Variants in PALM2AKAP2 observed in about 807,000 individuals in gnomAD.
The protein encoded by PALM2AKAP2 is PALM2-AKAP2 fusion protein.
In PALM2AKAP2, 37 loss-of-function variants were observed where a neutral mutation model predicts 71.5. That is an observed-to-expected ratio of 0.52 (90% CI 0.40 to 0.68). PALM2AKAP2 has a LOEUF of 0.68. PALM2AKAP2 is among the 30% of genes least tolerant of loss of function. PALM2AKAP2 has a pLI of 0.00. For missense variants in PALM2AKAP2, 1,224 were observed against 1,191.8 expected (o/e 1.03, Z -0.40); for synonymous variants, 468 against 478.8 (o/e 0.98, Z 0.29).
intron 7 of PALM2AKAP2, among the ~76,000 whole-genome samples, chr9:110,035,560 T>C (rs1452130890): frequency 6.9e-6 from 1 of 145,248 alleles, no homozygotes; most frequent in Non-Finnish European, 1.5e-5. Flanking sequence ...ATATATAACA[T>C]ATATAGGATA....
chr9:109,768,250 C>T (rs1829196005), intron 1 of PALM2AKAP2, among the ~76,000 whole-genome samples: 1 of 151,994 alleles, frequency 6.6e-6, no homozygotes, highest in South Asian at 2.1e-4. Context: ...GGGGAGTCAG[C>T]TCAGTTGATT....
chr9:110,170,224 C>T (rs1044992741), exon 4 of PALM2AKAP2: 5 of 152,338 alleles, frequency 3.3e-5, no homozygotes, highest in African/African-American at 1.2e-4. Context: ...AAAAAATAAA[C>T]AGCCTTCTTT....
intron 1 of PALM2AKAP2, among the ~76,000 whole-genome samples, chr9:109,834,167 C>T (rs1242872840): frequency 6.6e-6 from 1 of 152,176 alleles, no homozygotes; most frequent in Non-Finnish European, 1.5e-5. Flanking sequence ...GAGCCAAGAT[C>T]ACACCACTGC....
At chr9:109,746,904 C>T (rs943772807) in intron 1 of PALM2AKAP2, among the ~76,000 whole-genome samples, 1 of 152,126 alleles carries the variant, frequency 6.6e-6, no homozygotes, top group Admixed American at 6.5e-5. Context: ...AAGATTTTAA[C>T]AGGCACAGGT....
intron 6 of PALM2AKAP2, among the ~76,000 whole-genome samples, chr9:109,959,091 C>A (rs1269686709): frequency 6.6e-6 from 1 of 152,176 alleles, no homozygotes; most frequent in African/African-American, 2.4e-5. Context: ...GCCACTGCTC[C>A]CCTATTCTAG....
At chr9:110,154,093 ATCTCACCCTATAGTCACATTATTCTTT>A (rs1836389259) in intron 2 of PALM2AKAP2, among the ~76,000 whole-genome samples, 1 of 152,196 alleles carries the variant, frequency 6.6e-6, no homozygotes, top group African/African-American at 2.4e-5. Context: ...GAAATTGTTC[ATCTCACCCTATAGTCACATTATTCTTT>A]GAGATTCCAA....
intron 1 of PALM2AKAP2, among the ~76,000 whole-genome samples, chr9:109,659,146 T>C (rs2132240128): frequency 6.6e-6 from 1 of 152,288 alleles, no homozygotes; most frequent in East Asian, 1.9e-4. Context: ...AATGGGATTT[T>C]TTTGTGTGTG....
chr9:109,715,606 C>T (rs749343209), intron 1 of PALM2AKAP2, among the ~76,000 whole-genome samples: 1 of 152,136 alleles, frequency 6.6e-6, no homozygotes. Flanking sequence ...ATGTGCGTGT[C>T]GTGTTTTGTC....
intron 1 of PALM2AKAP2, among the ~76,000 whole-genome samples, chr9:109,747,876 G>T (rs770019987): frequency 1.4e-4 from 22 of 152,270 alleles, no homozygotes; most frequent in Non-Finnish European, 2.9e-4. Context: ...TTGGCATGTT[G>T]CCCAGGCTGG....
chr9:109,733,402 T>C (rs1471931955), intron 1 of PALM2AKAP2, among the ~76,000 whole-genome samples: 1 of 152,146 alleles, frequency 6.6e-6, no homozygotes, highest in African/African-American at 2.4e-5. Flanking sequence ...GGTGAGTAGA[T>C]CCTGAATGGT....
At chr9:109,875,371 A>G (rs1587977945) in intron 2 of PALM2AKAP2, among the ~76,000 whole-genome samples, 1 of 152,118 alleles carries the variant, frequency 6.6e-6, no homozygotes, top group Non-Finnish European at 1.5e-5. Flanking sequence ...ATTATCTTGC[A>G]TCCTTGTTTA....
At chr9:109,755,673 A>C (rs1477253870) in intron 1 of PALM2AKAP2, among the ~76,000 whole-genome samples, 1 of 152,026 alleles carries the variant, frequency 6.6e-6, no homozygotes, top group Admixed American at 6.6e-5. Flanking sequence ...TAGAAAAGCA[A>C]AATAAAATAG....
At chr9:109,724,203 A>C (rs1208169631) in intron 1 of PALM2AKAP2, among the ~76,000 whole-genome samples, 2 of 152,212 alleles carry the variant, frequency 1.3e-5, no homozygotes, top group African/African-American at 2.4e-5. Flanking sequence ...TACATCTTTA[A>C]AAACAATAAA....
intron 1 of PALM2AKAP2, among the ~76,000 whole-genome samples, chr9:109,746,135 T>C (rs1242176434): frequency 6.6e-6 from 1 of 152,214 alleles, no homozygotes; most frequent in African/African-American, 2.4e-5. Flanking sequence ...TATGGAATTT[T>C]TCCTTCTGCA....
chr9:109,663,748 C>G (rs984671584), intron 1 of PALM2AKAP2, among the ~76,000 whole-genome samples: 1 of 152,096 alleles, frequency 6.6e-6, no homozygotes, highest in Non-Finnish European at 1.5e-5. Context: ...TCCTTGTTAA[C>G]CTTCCATCTC....
chr9:109,745,960 C>T (rs1253421282), intron 1 of PALM2AKAP2, among the ~76,000 whole-genome samples: 1 of 152,208 alleles, frequency 6.6e-6, no homozygotes, highest in East Asian at 1.9e-4. Flanking sequence ...TACTAGCCTG[C>T]AGAGCTTGGC....
Position 110,016,057 on chromosome 9 carries a change from G to C in PALM2AKAP2, c.582+18G>C, listed in dbSNP as rs1293099312. 1.9e-6 allele frequency: 3 copies of C among 1,609,680 alleles called. No individual in the cohort carries two copies. Among genetic ancestry groups the C allele is most frequent in the Non-Finnish European group, 2.5e-6 (3 of 1,176,572 alleles). ...CTATCAAGGTAAGGGATTCTCTTCA[G>C]GTTGATTCTCAAAGTGTATCTCTAG... On this transcript the variant is annotated intron_variant, in intron 7 of 9. Transcript: ENST00000302798.
At chr9:110,116,495 A>T (rs1427495720) in intron 1 of PALM2AKAP2, among the ~76,000 whole-genome samples, 1 of 152,218 alleles carries the variant, frequency 6.6e-6, no homozygotes, top group East Asian at 1.9e-4. Context: ...GAACAAAAAA[A>T]AATGACTATT....
intron 6 of PALM2AKAP2, among the ~76,000 whole-genome samples, chr9:109,997,313 A>G (rs913142326): frequency 6.6e-6 from 1 of 152,218 alleles, no homozygotes; most frequent in Non-Finnish European, 1.5e-5. Flanking sequence ...GAGCGGGGAT[A>G]ATATTGTGTC....
Sources: gnomAD v4.1 joint callset for allele counts (sites outside exome capture counted in the v4.1 genomes callset) on GRCh38, gnomAD v4.1.1 for gene constraint, MANE v1.5 for transcripts, NCBI Gene and HGNC (gene_info 2026-07-23, HGNC 2026-07-21) for gene names.